SLC30A8: variants seen among roughly 807,000 people sequenced by gnomAD.
SLC30A8 encodes the protein proton-coupled zinc antiporter SLC30A8.
SLC30A8 carries 27 observed loss-of-function variants against 36.9 expected under a neutral mutation model. The observed-to-expected ratio is 0.73, with a 90% CI of 0.54 to 1.01. SLC30A8 has a LOEUF of 1.01. Among genes scored for constraint, SLC30A8 ranks in the 50% least tolerant of loss-of-function variants. The pLI is 0.00. For missense variants in SLC30A8, 439 were observed against 452.0 expected, an observed-to-expected ratio of 0.97 and a Z score of 0.26; for synonymous variants, 164 against 172.4, an observed-to-expected ratio of 0.95 and a Z score of 0.38.
At chr8:116,985,293 TACACACACACACACACAC>T (rs71305454) in intron 1 of SLC30A8, among the ~76,000 whole-genome samples, 4 of 140,236 alleles carry the variant, frequency 2.9e-5, no homozygotes, top group South Asian at 2.4e-4. Flanking sequence ...CTCACACACA[TACACACACACACACACAC>T]ACACACACAC....
intron 1 of SLC30A8, among the ~76,000 whole-genome samples, chr8:116,991,122 G>A (rs1045742890): frequency 6.6e-6 from 1 of 152,036 alleles, no homozygotes; most frequent in Non-Finnish European, 1.5e-5. Context: ...TACTATAGAA[G>A]AATTTTTCCT....
intron 1 of SLC30A8, among the ~76,000 whole-genome samples, chr8:117,003,964 A>T (rs1338006915): frequency 6.6e-6 from 1 of 152,230 alleles, no homozygotes; most frequent in Admixed American, 6.5e-5. Context: ...ATGTAAAAAA[A>T]CCCACTTTAT....
intron 2 of SLC30A8, among the ~76,000 whole-genome samples, chr8:117,109,175 C>A (rs1342504315): frequency 6.6e-6 from 1 of 152,144 alleles, no homozygotes; most frequent in Non-Finnish European, 1.5e-5. Flanking sequence ...ATTGGCCAGG[C>A]CTGTGTCATG....
chr8:117,052,748 T>TCTTA (rs564848570), intron 2 of SLC30A8, among the ~76,000 whole-genome samples: 103 of 152,320 alleles, frequency 6.8e-4, no homozygotes, highest in African/African-American at 2.4e-3. Flanking sequence ...CACCTCCAGC[T>TCTTA]CTTTCTGAAT....
At chr8:117,099,561 G>T (rs1819619932) in intron 2 of SLC30A8, among the ~76,000 whole-genome samples, 1 of 152,128 alleles carries the variant, frequency 6.6e-6, no homozygotes, top group Non-Finnish European at 1.5e-5. Context: ...CAAAAAGAAA[G>T]AAAATATCTG....
At chr8:117,164,177 A>G (rs1468158455) in intron 6 of SLC30A8, 3 of 152,404 alleles carry the variant, frequency 2.0e-5, no homozygotes, top group Admixed American at 1.3e-4. Context: ...CAAAGCTCTC[A>G]TGCTGATCAG....
chr8:117,005,039 G>A (rs1816130727), intron 1 of SLC30A8, among the ~76,000 whole-genome samples: 1 of 151,950 alleles, frequency 6.6e-6, no homozygotes, highest in Non-Finnish European at 1.5e-5. Context: ...ATTTAAAATG[G>A]GCAATTCAGT....
intron 1 of SLC30A8, among the ~76,000 whole-genome samples, chr8:117,033,870 G>A (rs1309992249): frequency 2.0e-5 from 3 of 152,200 alleles, no homozygotes; most frequent in African/African-American, 7.2e-5. Flanking sequence ...TTCTGGCCTA[G>A]TGAGAGCATG....
intron 1 of SLC30A8, among the ~76,000 whole-genome samples, chr8:116,961,491 C>G (rs1359531780): frequency 6.6e-6 from 1 of 151,816 alleles, no homozygotes; most frequent in Non-Finnish European, 1.5e-5. Flanking sequence ...AATGTAAAAA[C>G]AGAATAAAAG....
At chr8:117,138,537 A>G (rs2130941816) in intron 1 of SLC30A8, among the ~76,000 whole-genome samples, 1 of 152,000 alleles carries the variant, frequency 6.6e-6, no homozygotes, top group Non-Finnish European at 1.5e-5. Context: ...CTAGAGCAAA[A>G]GGCTGTTGGA....
At chr8:117,005,474 T>C (rs1427623369) in intron 1 of SLC30A8, among the ~76,000 whole-genome samples, 4 of 152,374 alleles carry the variant, frequency 2.6e-5, no homozygotes, top group South Asian at 2.1e-4. Flanking sequence ...CATTCATCAG[T>C]CGTTGGACTT....
chr8:117,068,272 C>T (rs1818227862), intron 2 of SLC30A8, among the ~76,000 whole-genome samples: 1 of 152,196 alleles, frequency 6.6e-6, no homozygotes, highest in South Asian at 2.1e-4. Context: ...TCCTCTGAGC[C>T]TGCCTGCTGT....
chr8:116,955,599 G>A (rs1814165153), intron 1 of SLC30A8, among the ~76,000 whole-genome samples: 1 of 151,946 alleles, frequency 6.6e-6, no homozygotes, highest in African/African-American at 2.4e-5. Context: ...ACGTGATGGT[G>A]CATGCCTATA....
chr8:116,961,081 T>TG (rs1199986669), intron 1 of SLC30A8, among the ~76,000 whole-genome samples: 1 of 152,190 alleles, frequency 6.6e-6, no homozygotes, highest in African/African-American at 2.4e-5. Context: ...TTTATTCACT[T>TG]GCTAATTTAT....
At chr8:117,009,101 T>TA in intron 1 of SLC30A8, among the ~76,000 whole-genome samples, 1 of 152,218 alleles carries the variant, frequency 6.6e-6, no homozygotes. Context: ...AAGGACTTAG[T>TA]AATCAAAATC....
At chr8:116,957,338 G>A (rs558190929) in intron 1 of SLC30A8, among the ~76,000 whole-genome samples, 3 of 151,732 alleles carry the variant, frequency 2.0e-5, no homozygotes, top group South Asian at 4.2e-4. Flanking sequence ...GTGCAGTGGC[G>A]CCATCTCCTG....
upstream of SLC30A8, among the ~76,000 whole-genome samples, chr8:117,133,746 G>A (rs936104375): frequency 3.3e-5 from 5 of 151,830 alleles, no homozygotes; most frequent in East Asian, 1.9e-4. Context: ...TTCTACTTTC[G>A]CCTCCACAGA....
At chr8:116,994,361 A>G (rs1815745931) in intron 1 of SLC30A8, among the ~76,000 whole-genome samples, 1 of 152,234 alleles carries the variant, frequency 6.6e-6, no homozygotes, top group Non-Finnish European at 1.5e-5. Flanking sequence ...ACAAGTGTTC[A>G]TAGTATCATT....
intron 1 of SLC30A8, among the ~76,000 whole-genome samples, chr8:117,002,394 A>G (rs1816039536): frequency 6.6e-6 from 1 of 152,180 alleles, no homozygotes; most frequent in Non-Finnish European, 1.5e-5. Context: ...GACTTGCCCC[A>G]AGTACTTTAA....
Sources: gnomAD v4.1 joint callset for allele counts (sites outside exome capture counted in the v4.1 genomes callset) on GRCh38, gnomAD v4.1.1 for gene constraint, MANE v1.5 for transcripts, NCBI Gene and HGNC (gene_info 2026-07-23, HGNC 2026-07-21) for gene names.